Variants in PLAT observed in about 807,000 individuals in gnomAD.
PLAT encodes the protein plasminogen activator, tissue type, also known as tissue-type plasminogen activator.
In PLAT, 48 loss-of-function variants were observed where a neutral mutation model predicts 74.9. The ratio of observed to expected loss-of-function variants is 0.64; its 90% CI spans 0.51 to 0.82. The LOEUF (loss-of-function observed/expected upper bound fraction) is 0.82. Ranked by LOEUF, PLAT falls within the 40% of genes least tolerant of loss-of-function variation. PLAT has a pLI of 0.00. For missense variants in PLAT, 673 were observed against 736.2 expected (o/e 0.91, Z 0.99); for synonymous variants, 307 against 294.4 (o/e 1.04, Z -0.44).
chr8:42,182,329 A>G (rs1587930486), intron 8 of PLAT: 2 of 247,746 alleles, frequency 8.1e-6, no homozygotes, highest in East Asian at 9.4e-5. Context: ...CTTGCAGCAC[A>G]CCCCCACCCT....
intron 1 of PLAT, among the ~76,000 whole-genome samples, chr8:42,201,520 A>G (rs942075024): frequency 6.6e-5 from 10 of 152,058 alleles, no homozygotes; most frequent in African/African-American, 2.4e-4. Context: ...TTAATACTGA[A>G]TCCTGCTTCC....
At chr8:42,205,539 A>G (rs1806298385) in intron 1 of PLAT, among the ~76,000 whole-genome samples, 1 of 152,182 alleles carries the variant, frequency 6.6e-6, no homozygotes, top group Non-Finnish European at 1.5e-5. Flanking sequence ...AAAAAAAAGT[A>G]GATTCACTGA....
intron 1 of PLAT, among the ~76,000 whole-genome samples, chr8:42,194,729 A>C (rs1226360094): frequency 6.6e-6 from 1 of 152,110 alleles, no homozygotes; most frequent in Non-Finnish European, 1.5e-5. Flanking sequence ...CGCAGGATGG[A>C]GCCTACTCCC....
Position 42,176,091 on chromosome 8 carries a change from T to C in PLAT, c.1591A>G (p.Ile531Val). ...TGTCCACAGCCCAGGCCCCAGCTGA[T>C]GATGCCCACCAAAGTCATGCGGCCA... ...NDGRMTLVGI[I>V]SWGLGCGQKD... The change falls in exon 14 of 14, where the codon ATC (isoleucine) becomes GTC (valine). Residue 531 changes from isoleucine (I) to valine (V), a missense_variant. Coordinates refer to ENST00000220809, the MANE Select transcript of PLAT (RefSeq NM_000930.5). 6.2e-7 allele frequency: 1 copy of C among 1,614,064 alleles called. No homozygotes were observed. The highest frequency in any genetic ancestry group is 8.5e-7 in the Non-Finnish European group (1 of 1,179,946).
chr8:42,182,829 C>A lies in PLAT; in HGVS notation c.693G>T (p.Glu231Asp). ...TCCACGGGAGGCAGGAGGCACCCGA[C>A]TCGGTGAGGCTGTGCGTGCCACGGT... The part of the protein sequence containing the change: ...SAYRGTHSLT[E>D]SGASCLPWNS... The change falls in exon 8 of 14, where the codon GAG becomes GAT. Residue 231 changes from glutamate (E) to aspartate (D), a missense_variant. Physicochemically the swap from Glu to Asp is conservative, Grantham distance 45. Transcript: ENST00000220809. The A allele has an allele frequency of 6.2e-7, 1 of 1,613,470 alleles. No homozygotes were observed. The highest frequency in any genetic ancestry group is 8.5e-7 in the Non-Finnish European group (1 of 1,179,372).
chr8:42,197,732 C>T (rs1004434056), intron 1 of PLAT, among the ~76,000 whole-genome samples: 3 of 152,284 alleles, frequency 2.0e-5, no homozygotes, highest in African/African-American at 7.2e-5. Context: ...TCTGCCTCTA[C>T]CGGCCCCATC....
chr8:42,184,479 C>T (rs1805372841), intron 7 of PLAT, among the ~76,000 whole-genome samples: 1 of 152,110 alleles, frequency 6.6e-6, no homozygotes. Context: ...CCTGCCTCAG[C>T]CTCCTGAGTA....
Position 42,191,358 on chromosome 8 carries a change from C to G in PLAT, c.115+14G>C. 1 of 1,613,378 alleles carries G rather than the reference C, an allele frequency of 6.2e-7. No homozygotes were observed. The highest frequency in any genetic ancestry group is 8.5e-7 in the Non-Finnish European group (1 of 1,179,268). On this transcript the variant is annotated intron_variant, in intron 3 of 13. Coordinates refer to ENST00000220809, the MANE Select transcript of PLAT (RefSeq NM_000930.5). ...CTCCCTGATGACCCCATGCACCCCT[C>G]AGCTTCACCCGACCTTGGTAAGATC...
At chr8:42,187,849 C>T (rs559951480) in intron 5 of PLAT, 57 bp downstream of exon 5, 19 of 1,196,698 alleles carry the variant, frequency 1.6e-5, no homozygotes, top group East Asian at 4.7e-5. Flanking sequence ...CTTCCGGGGG[C>T]GGGGGAGACT....
At chr8:42,197,458 T>C (rs549804543) in intron 1 of PLAT, among the ~76,000 whole-genome samples, 1 of 152,212 alleles carries the variant, frequency 6.6e-6, no homozygotes, top group Non-Finnish European at 1.5e-5. Context: ...TACCGTGCTG[T>C]AAGCTCACTT....
At chr8:42,177,177 G>T (rs931508168) in intron 13 of PLAT, among the ~76,000 whole-genome samples, 4 of 152,148 alleles carry the variant, frequency 2.6e-5, no homozygotes, top group African/African-American at 9.7e-5. Flanking sequence ...GGCTGGTCTC[G>T]AACTCCTGAC....
chr8:42,202,194 TTTTTTTTCA>T (rs1806155871), intron 1 of PLAT, among the ~76,000 whole-genome samples: 1 of 151,602 alleles, frequency 6.6e-6, no homozygotes, highest in Admixed American at 6.6e-5. Flanking sequence ...TAATTTTTTT[TTTTTTTTCA>T]TTTTTTTGTA....
intron 12 of PLAT, 92 bp downstream of exon 12, chr8:42,179,834 C>A (rs1197675937): frequency 6.1e-6 from 8 of 1,321,098 alleles, no homozygotes; most frequent in Non-Finnish European, 7.1e-6. Flanking sequence ...GGGGCTGGAA[C>A]TTCGGTCTCC....
chr8:42,179,425 C>T (rs1189705163), intron 12 of PLAT, among the ~76,000 whole-genome samples: 1 of 152,216 alleles, frequency 6.6e-6, no homozygotes, highest in Non-Finnish European at 1.5e-5. Context: ...CAGACCTCGC[C>T]AAACGTTTCC....
chr8:42,179,902 G>A (rs964996397), intron 12 of PLAT, 24 bp downstream of exon 12: 1 of 1,554,908 alleles, frequency 6.4e-7, no homozygotes, highest in East Asian at 2.3e-5. Flanking sequence ...AGACAGGATG[G>A]GGCCGAGACT....
intron 7 of PLAT, among the ~76,000 whole-genome samples, chr8:42,184,259 T>TA (rs944098434): frequency 2.0e-5 from 3 of 151,952 alleles, no homozygotes. Context: ...ATTTAGAACT[T>TA]AAAAAAAATC....
At chr8:42,182,215 A>G (rs529394417) in intron 8 of PLAT, 193 bp from the exon 9 acceptor site, 16 of 479,754 alleles carry the variant, frequency 3.3e-5, no homozygotes, top group South Asian at 2.3e-4. Flanking sequence ...AAGATTTTCA[A>G]TCCCATTTTC....
At chr8:42,179,805 TGGCGTCAGTGCCTGACCCGG>T in intron 12 of PLAT, 101 bp downstream of exon 12, 5 of 974,050 alleles carry the variant, frequency 5.1e-6, no homozygotes, top group Non-Finnish European at 7.4e-6. Context: ...GAGACGGGAC[TGGCGTCAGTGCCTGACCCGG>T]GGCTGGAACT....
At chr8:42,181,762 A>G (rs1805248950) in intron 9 of PLAT, among the ~76,000 whole-genome samples, 175 bp downstream of exon 9, 1 of 111,468 alleles carries the variant, frequency 9.0e-6, no homozygotes, top group Admixed American at 1.1e-4. Flanking sequence ...TGCATGGGTC[A>G]TGGACACCCG....
Sources: gnomAD v4.1 joint callset for allele counts (sites outside exome capture counted in the v4.1 genomes callset) on GRCh38, gnomAD v4.1.1 for gene constraint, MANE v1.5 for transcripts, NCBI Gene and HGNC (gene_info 2026-07-23, HGNC 2026-07-21) for gene names.